ILKAP: variants seen among roughly 807,000 people sequenced by gnomAD.
ILKAP encodes integrin-linked kinase-associated serine/threonine phosphatase 2C.
ILKAP carries 11 observed loss-of-function variants against 49.1 expected under a neutral mutation model. The ratio of observed to expected loss-of-function variants is 0.22; its 90% CI spans 0.14 to 0.37. The LOEUF is 0.37. Ranked by LOEUF, ILKAP falls within the 10% of genes least tolerant of loss-of-function variation. The pLI is 1.00. For synonymous variants in ILKAP, 186 were observed against 192.8 expected, an observed-to-expected ratio of 0.96 and a Z score of 0.29; for missense variants, 363 against 510.8, an observed-to-expected ratio of 0.71 and a Z score of 2.79.
At chr2:238,189,813 T>C (rs372716685) in intron 4 of ILKAP, 40 bp downstream of exon 4, 81 of 1,597,210 alleles carry the variant, frequency 5.1e-5, no homozygotes, top group Non-Finnish European at 6.7e-5. Context: ...TGTTTTAAAA[T>C]ATGAAGTCTA....
At chr2:238,173,741 G>T in intron 9 of ILKAP, 88 bp from the exon 10 acceptor site, 2 of 1,419,278 alleles carry the variant, frequency 1.4e-6, no homozygotes, top group Non-Finnish European at 1.9e-6. Flanking sequence ...GCAGAGAATG[G>T]AAGTGTGAAA....
chr2:238,173,057 T>C (rs1280334580), intron 10 of ILKAP, among the ~76,000 whole-genome samples: 2 of 152,140 alleles, frequency 1.3e-5, no homozygotes, highest in African/African-American at 4.8e-5. Flanking sequence ...AAACCTATGA[T>C]TCTCCACCAA....
intron 1 of ILKAP, among the ~76,000 whole-genome samples, chr2:238,202,853 A>C (rs1045756389): frequency 6.6e-6 from 1 of 151,420 alleles, no homozygotes; most frequent in Non-Finnish European, 1.5e-5. Context: ...CGGACCCCTT[A>C]ACTTCAAGGA....
rs987231162 is a variant in ILKAP, at chr2:238,172,215, C to A, written c.957-1191G>T. 4.6e-5 allele frequency among the ~76,000 whole-genome samples: 7 copies of A among 152,196 alleles called. No individual in the cohort carries two copies. In the East Asian group the frequency reaches 1.4e-3, roughly 29 times the overall value. ...TACAGGCGCCCACCACCACGCCTGG[C>A]TAATTTTTGTATTTTTGGTAGAGAT... On this transcript the variant is annotated intron_variant, in intron 10 of 11. Transcript: ENST00000254654.
chr2:238,182,303 C>T, intron 8 of ILKAP, 117 bp from the exon 9 acceptor site: 5 of 1,198,004 alleles, frequency 4.2e-6, no homozygotes, highest in Non-Finnish European at 2.4e-6. Flanking sequence ...AATGGAGTTT[C>T]ACATTCAGCC....
At chr2:238,189,544 G>C (rs1694037212) in intron 4 of ILKAP, 1 of 185,692 alleles carries the variant, frequency 5.4e-6, no homozygotes, top group Admixed American at 6.1e-5. Flanking sequence ...AAGTCAGAGA[G>C]AGACTAGGTG....
At chr2:238,172,903 C>G (rs927165608) in intron 10 of ILKAP, among the ~76,000 whole-genome samples, 1 of 152,174 alleles carries the variant, frequency 6.6e-6, no homozygotes, top group Admixed American at 6.5e-5. Flanking sequence ...TGCTCACAGG[C>G]CTCCCTAGCC....
intron 10 of ILKAP, 119 bp from the exon 11 acceptor site, chr2:238,171,143 T>A: frequency 1.5e-6 from 1 of 655,786 alleles, no homozygotes; most frequent in Non-Finnish European, 2.6e-6. Context: ...AAGGCTAAGG[T>A]TTTTTTTTTC....
At chr2:238,192,487 C>T (rs978131705) in intron 3 of ILKAP, among the ~76,000 whole-genome samples, 5 of 152,154 alleles carry the variant, frequency 3.3e-5, no homozygotes, top group Non-Finnish European at 5.9e-5. Context: ...ATCACGAAGT[C>T]AGGAGATGGA....
At position 238,183,965 on chromosome 2, in the gene ILKAP, T is replaced by G. The variant is rs1693798843; in HGVS notation, c.626+55A>C. 7.6e-6 allele frequency: 9 copies of G among 1,183,306 alleles called. No homozygotes were observed. In the South Asian group the frequency reaches 8.6e-5, roughly 11 times the overall value. 73.3% of individuals were successfully genotyped at this position (1,183,306 alleles called of 1,614,324 possible). A position where few individuals can be genotyped will look rare whatever the true frequency, so the allele number is the denominator to read the frequency against. The stretch of plus-strand genomic sequence containing the variant: ...AACCACATCAGAAGACTGAAATGCA[T>G]TTAGGAAAACACCACACACAGTCCA... On this transcript the variant is annotated intron_variant, in intron 7 of 11. Transcript: ENST00000254654.
intron 9 of ILKAP, among the ~76,000 whole-genome samples, chr2:238,176,468 TCTGC>T (rs2106327647): frequency 6.6e-6 from 1 of 152,318 alleles, no homozygotes; most frequent in East Asian, 1.9e-4. Flanking sequence ...ACCAAGCCAA[TCTGC>T]CTGTCCCTTG....
chr2:238,198,149 T>C (rs752076761), intron 1 of ILKAP, among the ~76,000 whole-genome samples: 5 of 152,098 alleles, frequency 3.3e-5, no homozygotes, highest in Admixed American at 1.3e-4. Context: ...CAAAAGAATC[T>C]AACTTAGAAG....
intron 2 of ILKAP, 33 bp from the exon 3 acceptor site, chr2:238,194,364 A>G: frequency 6.2e-7 from 1 of 1,602,554 alleles, no homozygotes; most frequent in East Asian, 2.2e-5. Flanking sequence ...GTGAGCCCAC[A>G]AAAAATATGT....
At position 238,182,141 on chromosome 2, in the gene ILKAP, A is replaced by C. The variant is rs1693719932; in HGVS notation, c.760T>G (p.Leu254Val). ...GGATTATGCTCTTTGCTGAGGCTTA[A>C]GGCTGCATGTTTTTGACTCTCCTCA... The part of the protein sequence containing the change: ...YNEESQKHAA[L>V]SLSKEHNPTQ... The change falls in exon 9 of 12, where the codon TTA (leucine) becomes GTA (valine). Residue 254 changes from leucine to valine, a missense_variant. Coordinates refer to ENST00000254654, the MANE Select transcript of ILKAP (RefSeq NM_030768.3). The C allele has an allele frequency of 6.2e-7, 1 of 1,613,950 alleles. No individual in the cohort carries two copies. The highest frequency in any genetic ancestry group is 8.5e-7 in the Non-Finnish European group (1 of 1,179,840).
chr2:238,177,972 TA>T (rs1693536393), intron 9 of ILKAP, among the ~76,000 whole-genome samples: 1 of 152,154 alleles, frequency 6.6e-6, no homozygotes, highest in Non-Finnish European at 1.5e-5. Context: ...CCCTGTAATT[TA>T]TAAAGGGAAA....
chr2:238,170,452 A>AG lies in ILKAP; in HGVS notation c.*83dup. 1 of 1,399,024 alleles carries AG rather than the reference A, an allele frequency of 7.1e-7. No homozygotes were observed. Among genetic ancestry groups the AG allele is most frequent in the Non-Finnish European group, 9.7e-7 (1 of 1,029,974 alleles). 86.7% of individuals were successfully genotyped at this position (1,399,024 alleles called of 1,614,324 possible). On this transcript the variant is annotated 3_prime_UTR_variant, in exon 12 of 12. Transcript: ENST00000254654. ...TTTACAACCATGGGAGTCCCACAGGAGTACACAAAACACACAATGTGCACA... is the reference window on the plus strand; with the variant it reads ...TTTACAACCATGGGAGTCCCACAGGAGGTACACAAAACACACAATGTGCACA...
chr2:238,188,507 A>C (rs1693995516), intron 4 of ILKAP: 11 of 393,894 alleles, frequency 2.8e-5, no homozygotes, highest in East Asian at 9.3e-5. Context: ...GTGAGCACAA[A>C]ACAACTCTGT....
intron 1 of ILKAP, among the ~76,000 whole-genome samples, chr2:238,196,920 T>C (rs1334554320): frequency 6.6e-6 from 1 of 152,202 alleles, no homozygotes; most frequent in Non-Finnish European, 1.5e-5. Context: ...GTATTTAGTA[T>C]GGCCAGGTGT....
chr2:238,171,142 GTTTT>G (rs1013383861), intron 10 of ILKAP, 118 bp from the exon 11 acceptor site: 7 of 552,370 alleles, frequency 1.3e-5, no homozygotes, highest in South Asian at 2.6e-5. Flanking sequence ...AAAGGCTAAG[GTTTT>G]TTTTTTCTTT....
Sources: allele counts gnomAD v4.1 joint callset (sites outside exome capture counted in the v4.1 genomes callset), GRCh38; gene constraint gnomAD v4.1.1; transcripts MANE v1.5; gene names NCBI Gene and HGNC (gene_info 2026-07-23, HGNC 2026-07-21).